Variants in SEMA5A observed in about 807,000 individuals in gnomAD.
SEMA5A encodes semaphorin-5A.
A neutral mutation model predicts 135.5 loss-of-function variants in SEMA5A; 55 were observed. That is an observed-to-expected ratio of 0.41 (90% CI 0.33 to 0.51). SEMA5A has a LOEUF of 0.51. Ranked by LOEUF, SEMA5A falls within the 20% of genes least tolerant of loss-of-function variation. The probability of loss-of-function intolerance (pLI) is 0.37; values close to 1 mark genes in which losing one functional copy is unlikely to be tolerated. For missense variants in SEMA5A, 1,290 were observed against 1,419.9 expected (o/e 0.91, Z 1.47); for synonymous variants, 580 against 546.5 (o/e 1.06, Z -0.85).
chr5:9,132,646 A>T (rs1481515957), intron 13 of SEMA5A, among the ~76,000 whole-genome samples: 1 of 152,194 alleles, frequency 6.6e-6, no homozygotes, highest in Non-Finnish European at 1.5e-5. Context: ...CACTGCATGA[A>T]GTTTGACTAG....
At chr5:9,305,517 A>C (rs1751815025) in intron 5 of SEMA5A, among the ~76,000 whole-genome samples, 1 of 151,916 alleles carries the variant, frequency 6.6e-6, no homozygotes, top group Non-Finnish European at 1.5e-5. Flanking sequence ...ATCATTGCTT[A>C]ATCTGGGTGG....
intron 3 of SEMA5A, among the ~76,000 whole-genome samples, chr5:9,341,123 T>G (rs1023341861): frequency 5.3e-5 from 8 of 151,032 alleles, no homozygotes; most frequent in Non-Finnish European, 1.0e-4. Flanking sequence ...AAAACCCCAA[T>G]AAAATGCATA....
chr5:9,482,816 T>G (rs1759926175), intron 1 of SEMA5A, among the ~76,000 whole-genome samples: 1 of 152,234 alleles, frequency 6.6e-6, no homozygotes, highest in Admixed American at 6.5e-5. Context: ...CCACTTCTTT[T>G]GACAGGCGAT....
At chr5:9,502,421 T>A (rs1579644537) in intron 1 of SEMA5A, among the ~76,000 whole-genome samples, 1 of 152,174 alleles carries the variant, frequency 6.6e-6, no homozygotes, top group Admixed American at 6.5e-5. Flanking sequence ...CCAACCATAC[T>A]TTAAGCACAT....
chr5:9,154,089 A>ATGTGTGTGTG (rs1411582465), intron 12 of SEMA5A, among the ~76,000 whole-genome samples: 1 of 79,126 alleles, frequency 1.3e-5, no homozygotes, highest in Non-Finnish European at 2.3e-5. Flanking sequence ...ATATATATAT[A>ATGTGTGTGTG]TATATGTGTG....
intron 11 of SEMA5A, among the ~76,000 whole-genome samples, chr5:9,185,771 A>G (rs1744769359): frequency 6.6e-6 from 1 of 152,254 alleles, no homozygotes; most frequent in Non-Finnish European, 1.5e-5. Context: ...GAAAATAAAA[A>G]TGATATATCT....
chr5:9,128,686 T>C (rs957873561), intron 13 of SEMA5A, among the ~76,000 whole-genome samples: 2 of 152,230 alleles, frequency 1.3e-5, no homozygotes, highest in Non-Finnish European at 2.9e-5. Flanking sequence ...TTATGCTATT[T>C]TTATAGAAAA....
chr5:9,095,551 T>C (rs897015951), intron 16 of SEMA5A, among the ~76,000 whole-genome samples: 3 of 152,160 alleles, frequency 2.0e-5, no homozygotes, highest in South Asian at 2.1e-4. Context: ...CTATAAAAAA[T>C]AGTCAATGTT....
intron 5 of SEMA5A, among the ~76,000 whole-genome samples, chr5:9,250,146 A>G (rs576861285): frequency 1.3e-5 from 2 of 152,318 alleles, no homozygotes; most frequent in South Asian, 4.1e-4. Flanking sequence ...AGAGTGATGT[A>G]GAGGTCATTG....
At chr5:9,080,400 G>A (rs1475277561) in intron 16 of SEMA5A, among the ~76,000 whole-genome samples, 1 of 152,030 alleles carries the variant, frequency 6.6e-6, no homozygotes, top group African/African-American at 2.4e-5. Flanking sequence ...GCCGGTTGGG[G>A]GTGGCTAGGG....
chr5:9,051,110 AAAC>A (rs1234904741), intron 20 of SEMA5A, among the ~76,000 whole-genome samples: 1 of 152,232 alleles, frequency 6.6e-6, no homozygotes, highest in African/African-American at 2.4e-5. Context: ...TTAAAAAGGA[AAAC>A]AATAACAACC....
At position 9,077,984 on chromosome 5, in the gene SEMA5A, A is replaced by C. The variant is rs560673694; in HGVS notation, c.2074-11338T>G. On this transcript the variant is annotated intron_variant, in intron 16 of 22. Transcript: ENST00000382496. ...ACAGCCTAAAGCTCAGGAGAATAAG[A>C]AAATCAGTGCTGTCACTGGAAATCT... is the stretch of plus-strand genomic sequence containing the variant. Among the ~76,000 whole-genome samples the C allele has an allele frequency of 2.3e-3, 351 of 152,208 alleles. 4 individuals are homozygous for C. The highest frequency in any genetic ancestry group is 3.9e-3 in the Non-Finnish European group (268 of 68,030).
At chr5:9,225,675 A>G (rs1579657679) in intron 7 of SEMA5A, among the ~76,000 whole-genome samples, 1 of 152,118 alleles carries the variant, frequency 6.6e-6, no homozygotes, top group African/African-American at 2.4e-5. Flanking sequence ...GTGGATATTC[A>G]ACACTATGTG....
intron 13 of SEMA5A, among the ~76,000 whole-genome samples, chr5:9,136,219 GA>G (rs34149326): frequency 5.7e-4 from 86 of 151,092 alleles, no homozygotes; most frequent in South Asian, 1.3e-3. Context: ...TCTGGAGGGG[GA>G]AAAAAAAATC....
chr5:9,480,650 A>T (rs1294689284), intron 1 of SEMA5A, among the ~76,000 whole-genome samples: 2 of 152,170 alleles, frequency 1.3e-5, no homozygotes, highest in African/African-American at 4.8e-5. Flanking sequence ...TGTGCAGTTC[A>T]AGTGGTCCTG....
intron 11 of SEMA5A, among the ~76,000 whole-genome samples, chr5:9,158,947 A>ATTTCAG (rs1231556591): frequency 6.6e-6 from 1 of 152,036 alleles, no homozygotes; most frequent in Non-Finnish European, 1.5e-5. Context: ...CAGGCTGCCA[A>ATTTCAG]TTTGAATTTC....
chr5:9,125,741 C>G (rs941698371), intron 13 of SEMA5A, among the ~76,000 whole-genome samples: 1 of 151,942 alleles, frequency 6.6e-6, no homozygotes, highest in Non-Finnish European at 1.5e-5. Context: ...CTCTGAAGAC[C>G]GTAGAGCTTT....
chr5:9,316,212 A>G (rs2150662399), intron 5 of SEMA5A, among the ~76,000 whole-genome samples: 1 of 152,266 alleles, frequency 6.6e-6, no homozygotes, highest in Non-Finnish European at 1.5e-5. Flanking sequence ...GTTTCTTATG[A>G]CACACCCTCA....
intron 3 of SEMA5A, among the ~76,000 whole-genome samples, chr5:9,369,233 T>G (rs982818145): frequency 1.3e-5 from 2 of 152,206 alleles, no homozygotes; most frequent in Non-Finnish European, 2.9e-5. Flanking sequence ...GGTAAATATG[T>G]GTATCTCTGT....
Sources: allele counts gnomAD v4.1 joint callset (sites outside exome capture counted in the v4.1 genomes callset), GRCh38; gene constraint gnomAD v4.1.1; transcripts MANE v1.5; gene names NCBI Gene and HGNC (gene_info 2026-07-23, HGNC 2026-07-21).